Variants in BPNT2 observed in about 807,000 individuals in gnomAD.
The protein encoded by BPNT2 is 3'(2'), 5'-bisphosphate nucleotidase 2.
Under a neutral mutation model 29.3 loss-of-function variants are expected in BPNT2, and 11 were observed. The observed-to-expected ratio is 0.38, with a 90% CI of 0.24 to 0.62. The LOEUF (loss-of-function observed/expected upper bound fraction) is 0.62. BPNT2 is among the 20% of genes least tolerant of loss of function. The pLI is 0.62. For missense variants in BPNT2, 459 were observed against 473.4 expected (o/e 0.97, Z 0.28); for synonymous variants, 195 against 187.7 (o/e 1.04, Z -0.32).
Position 56,959,525 on chromosome 8 carries a change from T to C in BPNT2, c.*4268A>G, listed in dbSNP as rs1805792009. 1.3e-5 allele frequency: 2 copies of C among 152,218 alleles called. No individual in the cohort carries two copies. The highest frequency in any genetic ancestry group is 4.1e-4 in the South Asian group (2 of 4,836). 9.4% of individuals were successfully genotyped at this position (152,218 alleles called of 1,614,324 possible). On this transcript the variant is annotated 3_prime_UTR_variant, in exon 5 of 5. Transcript: ENST00000262644. Reference sequence around the variant, plus strand: ...TTTTTTAACATTAATAAATTATTGATATGCTACCATAAATAAATAGTCACT... The same window carrying C: ...TTTTTTAACATTAATAAATTATTGACATGCTACCATAAATAAATAGTCACT...
At chr8:56,985,184 G>A (rs980817389) in intron 1 of BPNT2, among the ~76,000 whole-genome samples, 1 of 151,956 alleles carries the variant, frequency 6.6e-6, no homozygotes, top group Non-Finnish European at 1.5e-5. Context: ...CAGCTAGAAC[G>A]TAAATTCTGT....
At chr8:56,974,208 G>A (rs2129204626) in intron 3 of BPNT2, among the ~76,000 whole-genome samples, 1 of 152,088 alleles carries the variant, frequency 6.6e-6, no homozygotes, top group South Asian at 2.1e-4. Context: ...TAAGATTTTT[G>A]GTCAAAATGA....
In BPNT2 at chr8:56,963,559, C is replaced by A; in HGVS notation, c.*234G>T. 1 of 531,782 alleles carries A rather than the reference C, an allele frequency of 1.9e-6. No individual in the cohort carries two copies. The highest frequency in any genetic ancestry group is 3.3e-6 in the Non-Finnish European group (1 of 298,832). 32.9% of individuals were successfully genotyped at this position (531,782 alleles called of 1,614,324 possible). ...ATATATATATGCGCCTTGTGTATGA[C>A]AACTGTATGAAAATAGTCTCAAAAA... On this transcript the variant is annotated 3_prime_UTR_variant, in exon 5 of 5. Transcript: ENST00000262644.
At chr8:56,978,182 CAAAGT>C (rs1185695178) in intron 2 of BPNT2, 37 bp from the exon 3 acceptor site, 1 of 1,237,960 alleles carries the variant, frequency 8.1e-7, no homozygotes, top group East Asian at 2.3e-5. Context: ...ACACAAATGT[CAAAGT>C]AATGTGCATA....
At chr8:56,973,815 A>T (rs569612910) in intron 3 of BPNT2, among the ~76,000 whole-genome samples, 1 of 152,348 alleles carries the variant, frequency 6.6e-6, no homozygotes, top group Admixed American at 6.5e-5. Context: ...CCATTTTACG[A>T]TACAGTCACT....
At chr8:56,982,297 A>C (rs1256392827) in intron 1 of BPNT2, among the ~76,000 whole-genome samples, 1 of 151,860 alleles carries the variant, frequency 6.6e-6, no homozygotes, top group Non-Finnish European at 1.5e-5. Flanking sequence ...TAATTTTTGT[A>C]TTTTTAGTAG....
Position 56,993,220 on chromosome 8 carries a change from C to A in BPNT2, c.366G>T (p.Lys122Asn), listed in dbSNP as rs752698460. 6.2e-7 allele frequency: 1 copy of A among 1,603,254 alleles called. No individual in the cohort carries two copies. Among genetic ancestry groups the A allele is most frequent in the Admixed American group, 1.7e-5 (1 of 59,958 alleles). ...LSNRKMFYLL[K>N]TAFPSVQINT... ...CCACCTGGACGCTGGGGAAGGCGGT[C>A]TTGAGCAGGTAGAACATCTTGCGGT... The change falls in exon 1 of 5, where the codon AAG becomes AAT. Residue 122 changes from lysine (K) to asparagine (N), a missense_variant. Transcript: ENST00000262644.
At chr8:56,971,565 T>C (rs1806032542) in intron 3 of BPNT2, among the ~76,000 whole-genome samples, 1 of 152,190 alleles carries the variant, frequency 6.6e-6, no homozygotes, top group Non-Finnish European at 1.5e-5. Context: ...AGGTATGTTA[T>C]GAATGCATAA....
chr8:56,969,070 G>C (rs1007438640), intron 3 of BPNT2, among the ~76,000 whole-genome samples: 1 of 152,162 alleles, frequency 6.6e-6, no homozygotes, highest in African/African-American at 2.4e-5. Flanking sequence ...ACAATGTCTG[G>C]AGCCACCAGA....
intron 1 of BPNT2, among the ~76,000 whole-genome samples, chr8:56,984,123 G>A (rs571591747): frequency 3.9e-4 from 59 of 152,200 alleles, no homozygotes; most frequent in African/African-American, 1.3e-3. Context: ...TGCCAAGTCT[G>A]GCAACTACTG....
intron 3 of BPNT2, among the ~76,000 whole-genome samples, chr8:56,967,629 C>G (rs930322155): frequency 3.3e-5 from 5 of 151,998 alleles, no homozygotes; most frequent in Non-Finnish European, 5.9e-5. Context: ...AACTTGGCAA[C>G]AAAGCATCAA....
At chr8:56,971,201 T>C (rs2129204164) in intron 3 of BPNT2, among the ~76,000 whole-genome samples, 2 of 149,986 alleles carry the variant, frequency 1.3e-5, no homozygotes, top group South Asian at 4.2e-4. Flanking sequence ...TGATGGATGA[T>C]AATGAGGTAT....
chr8:56,978,351 T>A (rs1490889876), intron 2 of BPNT2, among the ~76,000 whole-genome samples: 2 of 152,146 alleles, frequency 1.3e-5, no homozygotes, highest in Non-Finnish European at 2.9e-5. Flanking sequence ...TGAGATACCA[T>A]CTCACACTAG....
In BPNT2 at chr8:56,958,081, C is replaced by G. The variant is rs532473229; in HGVS notation, c.*5712G>C. The G allele has an allele frequency of 2.0e-5, 3 of 152,000 alleles. 1 individual carries two copies. The highest frequency in any genetic ancestry group is 7.2e-5 in the African/African-American group (3 of 41,442). The allele number at this position is 152,000 out of a possible 1,614,324, so 9.4% of individuals were successfully genotyped here. A position where few individuals can be genotyped will look rare whatever the true frequency, so the allele number is the denominator to read the frequency against. On this transcript the variant is annotated 3_prime_UTR_variant, in exon 5 of 5. Coordinates refer to ENST00000262644, the MANE Select transcript of BPNT2 (RefSeq NM_017813.5). ...GGTAGTATCTGAAGGAAAGGCAAAA[C>G]TTTTAAAAACAATTTAGTATGTGGG...
intron 1 of BPNT2, among the ~76,000 whole-genome samples, chr8:56,980,593 C>T (rs540366092): frequency 1.9e-4 from 28 of 149,592 alleles, no homozygotes; most frequent in African/African-American, 6.6e-4. Flanking sequence ...AGAAGAAAGA[C>T]GTATCATAGA....
At chr8:56,971,659 A>G (rs1412232101) in intron 3 of BPNT2, among the ~76,000 whole-genome samples, 1 of 152,194 alleles carries the variant, frequency 6.6e-6, no homozygotes, top group African/African-American at 2.4e-5. Flanking sequence ...CCAAAACTTA[A>G]GCACACAAGC....
intron 1 of BPNT2, among the ~76,000 whole-genome samples, chr8:56,984,705 T>A (rs932809680): frequency 2.6e-5 from 4 of 152,184 alleles, no homozygotes; most frequent in Non-Finnish European, 5.9e-5. Flanking sequence ...GCTTCCCTTC[T>A]CAACCCAGCA....
intron 3 of BPNT2, among the ~76,000 whole-genome samples, chr8:56,971,261 G>T (rs1207103513): frequency 8.4e-6 from 1 of 118,862 alleles, no homozygotes; most frequent in East Asian, 2.6e-4. Context: ...TTACCTGTAA[G>T]ATAAGCTTAA....
rs764414017 is a variant in BPNT2 at position 56,966,287 on chromosome 8, T to C, written c.712A>G (p.Arg238Gly). The change falls in exon 4 of 5, where the codon AGG (arginine) becomes GGG (glycine). Residue 238 changes from arginine to glycine, a missense_variant. Coordinates refer to ENST00000262644, the MANE Select transcript of BPNT2 (RefSeq NM_017813.5). ...GAATGGGAACGAGACACAACGATCC[T>C]TGGGGTCTTCTCATTGTAGGAAGAG... ...ARSSYNEKTP[R>G]IVVSRSHSGM... The C allele has an allele frequency of 1.1e-5, 17 of 1,613,850 alleles. No homozygotes were observed. The highest frequency in any genetic ancestry group is 1.3e-5 in the Non-Finnish European group (15 of 1,179,846).
Sources: allele counts gnomAD v4.1 joint callset (sites outside exome capture counted in the v4.1 genomes callset), GRCh38; gene constraint gnomAD v4.1.1; transcripts MANE v1.5; gene names NCBI Gene and HGNC (gene_info 2026-07-23, HGNC 2026-07-21).